The following TCF20 variants were observed in gnomAD, a reference collection of about 807,000 sequenced individuals.
The protein encoded by TCF20 is SPRE-binding protein.
A neutral mutation model predicts 148.6 loss-of-function variants in TCF20; 3 were observed. That is an observed-to-expected ratio of 0.02 (90% CI 0.01 to 0.05). TCF20 has a LOEUF of 0.05. TCF20 is among the 10% of genes least tolerant of loss of function. The probability of loss-of-function intolerance (pLI) is 1.00; values close to 1 mark genes in which losing one functional copy is unlikely to be tolerated. For missense variants in TCF20, 2,350 were observed against 2,429.3 expected, an observed-to-expected ratio of 0.97 and a Z score of 0.69; for synonymous variants, 1,049 against 909.5, an observed-to-expected ratio of 1.15 and a Z score of -2.76.
chr22:42,233,947 A>C (rs1923651226), intron 1 of TCF20, among the ~76,000 whole-genome samples: 1 of 152,200 alleles, frequency 6.6e-6, no homozygotes, highest in African/African-American at 2.4e-5. Context: ...TGAGAATAAA[A>C]AGGTTTCTTT....
At chr22:42,217,421 C>CTG (rs1921924364) in intron 1 of TCF20, among the ~76,000 whole-genome samples, 1 of 152,176 alleles carries the variant, frequency 6.6e-6, no homozygotes, top group Admixed American at 6.5e-5. Flanking sequence ...ACTCCCTCCC[C>CTG]TGTTTTATCC....
chr22:42,223,910 T>C (rs997048493), intron 1 of TCF20, among the ~76,000 whole-genome samples: 5 of 152,196 alleles, frequency 3.3e-5, no homozygotes, highest in Admixed American at 3.3e-4. Flanking sequence ...GTTATCTTAG[T>C]GTAATAGGAC....
chr22:42,313,879 C>T (rs531723726), intron 1 of TCF20, among the ~76,000 whole-genome samples: 7 of 152,318 alleles, frequency 4.6e-5, no homozygotes, highest in African/African-American at 7.2e-5. Flanking sequence ...AGGTTAGAGG[C>T]GTGAGTCACC....
intron 1 of TCF20, among the ~76,000 whole-genome samples, chr22:42,312,581 G>C (rs898969657): frequency 1.3e-5 from 2 of 152,140 alleles, no homozygotes; most frequent in Admixed American, 6.5e-5. Flanking sequence ...GATGACCCAC[G>C]TTCAGAGCCA....
At chr22:42,300,723 G>A (rs948819886) in intron 1 of TCF20, among the ~76,000 whole-genome samples, 9 of 152,076 alleles carry the variant, frequency 5.9e-5, no homozygotes, top group South Asian at 2.1e-4. Flanking sequence ...CCAGCCCAGG[G>A]CCAACACACT....
intron 2 of TCF20, among the ~76,000 whole-genome samples, chr22:42,182,926 G>A (rs1249995016): frequency 2.0e-5 from 3 of 152,264 alleles, no homozygotes; most frequent in South Asian, 4.1e-4. Flanking sequence ...TACTAGAGAC[G>A]GGGTTTCAAC....
At chr22:42,276,218 A>T (rs1010575498) in intron 1 of TCF20, 2 of 152,240 alleles carry the variant, frequency 1.3e-5, no homozygotes. Flanking sequence ...TCCTGCTAAG[A>T]ATTCAAACCA....
chr22:42,221,708 T>TC (rs1457360334), intron 1 of TCF20, among the ~76,000 whole-genome samples: 1 of 151,128 alleles, frequency 6.6e-6, no homozygotes, highest in East Asian at 1.9e-4. Flanking sequence ...GGATGTGGGG[T>TC]CTATAGGGCT....
intron 1 of TCF20, among the ~76,000 whole-genome samples, chr22:42,230,845 GAAAAAAT>G (rs1020276898): frequency 3.0e-4 from 45 of 152,108 alleles, no homozygotes; most frequent in Non-Finnish European, 5.3e-4. Flanking sequence ...TTTAAAAAGT[GAAAAAAT>G]AAAAAATAAA....
rs752957180 is a variant in TCF20, at chr22:42,168,787, A to C, written c.5800-51T>G. 1.9e-6 allele frequency: 3 copies of C among 1,544,564 alleles called. No individual in the cohort carries two copies. The East Asian group carries it at 7.1e-5, about 36-fold the overall frequency. ...ACAGACAGGTGGGAGAGGACAGTGC[A>C]GAAATCAGGGAGGGCAAAGGGAGGA... On this transcript the variant is annotated intron_variant, in intron 4 of 5. Coordinates refer to ENST00000677622, the MANE Select transcript of TCF20 (RefSeq NM_001378418.1).
At chr22:42,296,553 C>T (rs895726416) in intron 1 of TCF20, among the ~76,000 whole-genome samples, 23 of 152,232 alleles carry the variant, frequency 1.5e-4, no homozygotes, top group Non-Finnish European at 2.2e-4. Context: ...ACCAGCCGGC[C>T]CCCTGGCATT....
intron 1 of TCF20, among the ~76,000 whole-genome samples, chr22:42,277,333 G>A (rs1332597739): frequency 6.6e-6 from 1 of 152,226 alleles, no homozygotes; most frequent in East Asian, 1.9e-4. Context: ...ATGGTGCCAT[G>A]GAGCTGTTAG....
At chr22:42,288,714 T>C (rs1927077519), upstream of TCF20, among the ~76,000 whole-genome samples, 1 of 39,748 alleles carries the variant, frequency 2.5e-5, no homozygotes, top group Non-Finnish European at 4.2e-5. Context: ...AGACCCTGTA[T>C]CAAAAAAAAA....
chr22:42,222,366 T>C (rs1159411989), intron 1 of TCF20, among the ~76,000 whole-genome samples: 1 of 152,212 alleles, frequency 6.6e-6, no homozygotes, highest in Non-Finnish European at 1.5e-5. Flanking sequence ...CCTTCCTGTA[T>C]TTGTCCTTTC....
chr22:42,165,077 G>A (rs1473875087), intron 5 of TCF20, among the ~76,000 whole-genome samples: 1 of 152,224 alleles, frequency 6.6e-6, no homozygotes, highest in East Asian at 1.9e-4. Flanking sequence ...GCAGGGAGGC[G>A]GGCACTATAG....
At position 42,234,899 on chromosome 22, in the gene TCF20, T is replaced by C. The variant is rs542390342; in HGVS notation, c.-36-19558A>G. ...TCACGCCTGTAAATCCCAGAACTTT[T>C]GGAGGGCAGGGCAGGCGGATCACGA... is the stretch of plus-strand genomic sequence containing the variant. On this transcript the variant is annotated intron_variant, in intron 1 of 5. Coordinates refer to ENST00000677622, the MANE Select transcript of TCF20 (RefSeq NM_001378418.1). 3.3e-5 allele frequency among the ~76,000 whole-genome samples: 5 copies of C among 152,200 alleles called. 1 individual carries two copies. Among genetic ancestry groups the C allele is most frequent in the African/African-American group, 1.2e-4 (5 of 41,516 alleles).
At chr22:42,289,954 T>C (rs1162131276) in intron 1 of TCF20, among the ~76,000 whole-genome samples, 2 of 152,374 alleles carry the variant, frequency 1.3e-5, no homozygotes, top group East Asian at 1.9e-4. Flanking sequence ...AGATATTGCG[T>C]GCAGGCCGAA....
chr22:42,193,382 CTCAT>C (rs1322873876), intron 2 of TCF20, among the ~76,000 whole-genome samples: 1 of 150,360 alleles, frequency 6.7e-6, no homozygotes, highest in African/African-American at 2.4e-5. Context: ...TGCCACTGTA[CTCAT>C]AGTGGAACAA....
intron 1 of TCF20, among the ~76,000 whole-genome samples, chr22:42,315,546 T>A (rs888177818): frequency 2.0e-5 from 3 of 152,244 alleles, no homozygotes; most frequent in Non-Finnish European, 4.4e-5. Flanking sequence ...TGGTTCTACC[T>A]CTGGGCAAAG....
Sources: allele counts gnomAD v4.1 joint callset (sites outside exome capture counted in the v4.1 genomes callset), GRCh38; gene constraint gnomAD v4.1.1; transcripts MANE v1.5; gene names NCBI Gene and HGNC (gene_info 2026-07-23, HGNC 2026-07-21).